Variants in PDZD2 observed in about 807,000 individuals in gnomAD.
The protein encoded by PDZD2 is PDZ domain containing 2, also known as PDZ domain-containing protein 2.
In PDZD2, 90 loss-of-function variants were observed where a neutral mutation model predicts 220.7. The ratio of observed to expected loss-of-function variants is 0.41; its 90% CI spans 0.34 to 0.49. The LOEUF is 0.49. Among genes scored for constraint, PDZD2 ranks in the 20% least tolerant of loss-of-function variants. The pLI is 0.28. For synonymous variants in PDZD2, 1,375 were observed against 1,450.5 expected, an observed-to-expected ratio of 0.95 and a Z score of 1.18; for missense variants, 3,174 against 3,608.5, an observed-to-expected ratio of 0.88 and a Z score of 3.08.
intron 2 of PDZD2, among the ~76,000 whole-genome samples, chr5:31,880,242 C>T (rs1380177162): frequency 3.9e-5 from 6 of 152,228 alleles, no homozygotes; most frequent in African/African-American, 4.8e-5. Flanking sequence ...CTTTAAAAGA[C>T]GAGAGCAATG....
chr5:31,773,034 G>C (rs1373459779), intron 1 of PDZD2, among the ~76,000 whole-genome samples: 1 of 152,200 alleles, frequency 6.6e-6, no homozygotes, highest in Non-Finnish European at 1.5e-5. Flanking sequence ...TAGTTCTTGA[G>C]AGTCACAGTC....
At chr5:32,010,006 G>A (rs909376867) in intron 5 of PDZD2, among the ~76,000 whole-genome samples, 3 of 151,444 alleles carry the variant, frequency 2.0e-5, no homozygotes, top group African/African-American at 4.9e-5. Flanking sequence ...AGAATCACTT[G>A]AACCCGGGAG....
At chr5:31,871,631 A>G (rs1461870773) in intron 2 of PDZD2, among the ~76,000 whole-genome samples, 2 of 151,574 alleles carry the variant, frequency 1.3e-5, no homozygotes, top group Admixed American at 6.6e-5. Flanking sequence ...TTGTATTTTT[A>G]GTAGACTGGG....
At chr5:31,808,446 C>T (rs529370430) in intron 2 of PDZD2, among the ~76,000 whole-genome samples, 1 of 152,302 alleles carries the variant, frequency 6.6e-6, no homozygotes, top group South Asian at 2.1e-4. Context: ...ACTGTTTGTT[C>T]GTGACCCGCT....
chr5:31,757,785 C>T (rs1020237503), intron 1 of PDZD2, among the ~76,000 whole-genome samples: 1 of 152,076 alleles, frequency 6.6e-6, no homozygotes, highest in Non-Finnish European at 1.5e-5. Flanking sequence ...ACTGGAGACA[C>T]CTTCCCTGTC....
intron 1 of PDZD2, among the ~76,000 whole-genome samples, chr5:31,691,255 C>T (rs1056387417): frequency 6.7e-6 from 1 of 149,820 alleles, no homozygotes; most frequent in Non-Finnish European, 1.5e-5. Context: ...TGGAGTTGTT[C>T]GTTCCTCCCG....
chr5:31,926,263 T>C (rs2150385613), intron 2 of PDZD2, among the ~76,000 whole-genome samples: 1 of 149,632 alleles, frequency 6.7e-6, no homozygotes, highest in Non-Finnish European at 1.5e-5. Flanking sequence ...GCATGATGGC[T>C]CACGCCTGTA....
intron 7 of PDZD2, among the ~76,000 whole-genome samples, chr5:32,042,010 TCGAGACCA>T (rs1756215616): frequency 8.5e-5 from 3 of 35,440 alleles, no homozygotes; most frequent in Admixed American, 3.1e-4. Context: ...GGTCAGGAGA[TCGAGACCA>T]TCCTGGCTAA....
chr5:31,903,545 A>G (rs1742299978), intron 2 of PDZD2, among the ~76,000 whole-genome samples: 1 of 150,466 alleles, frequency 6.6e-6, no homozygotes, highest in African/African-American at 2.4e-5. Context: ...CTACCCAGGA[A>G]GCTGAGATGG....
At position 32,058,674 on chromosome 5, in the gene PDZD2, CA is replaced by C. The variant is rs35570128; in HGVS notation, c.2201-546del. Among the ~76,000 whole-genome samples the C allele has an allele frequency of 3.7e-3, 340 of 92,240 alleles. 3 individuals carry two copies. The highest frequency in any genetic ancestry group is 0.013 in the Middle Eastern group (2 of 154). The allele number at this position is 92,240 out of a possible 152,430, so 60.5% of individuals were successfully genotyped here. On this transcript the variant is annotated intron_variant, in intron 12 of 24. Coordinates refer to ENST00000438447, the MANE Select transcript of PDZD2 (RefSeq NM_178140.4). ...GGGCAACAAGAGCAAAACTCCGTCT[CA>C]AAAAAAAAAAAAAAAAAATTCACCG... is the stretch of plus-strand genomic sequence containing the variant.
At chr5:31,953,012 C>A (rs1284079794) in intron 2 of PDZD2, among the ~76,000 whole-genome samples, 1 of 146,688 alleles carries the variant, frequency 6.8e-6, no homozygotes, top group South Asian at 2.2e-4. Context: ...GAGTCATGAT[C>A]GTGCCACTGT....
intron 1 of PDZD2, among the ~76,000 whole-genome samples, chr5:31,640,391 G>A (rs986888017): frequency 1.1e-4 from 16 of 152,232 alleles, no homozygotes; most frequent in Admixed American, 2.6e-4. Flanking sequence ...GGCAGTGTTG[G>A]GGGATGGAGC....
Position 32,037,269 on chromosome 5 carries a change from T to C in PDZD2, c.1446T>C (p.Ala482=). The change falls in exon 7 of 25, where the codon GCT becomes GCC. Residue 482 remains alanine, a synonymous_variant. Transcript: ENST00000438447. ...ATGAACCCCAAGATGTGTGCGGTGC[T>C]GAGGAATCCAAGGGGAACTTGGAAA... ...GTDEPQDVCG[A]EESKGNLESP... is the part of the protein sequence containing the mutation. 6.2e-7 allele frequency: 1 copy of C among 1,613,898 alleles called. No homozygotes were observed. The highest frequency in any genetic ancestry group is 1.1e-5 in the South Asian group (1 of 91,072).
rs1749042011 is a variant in PDZD2 at position 31,725,071 on chromosome 5, C to T, written c.-360-73818C>T. On this transcript the variant is annotated intron_variant, in intron 1 of 24. Coordinates refer to ENST00000438447, the MANE Select transcript of PDZD2 (RefSeq NM_178140.4). ...CTCAGCCAGGCACGGTGGCTCACAT[C>T]TGTAATCCCAGCATTCTGGGGGGCT... Among the ~76,000 whole-genome samples the T allele has an allele frequency of 3.3e-5, 5 of 152,098 alleles. No homozygotes were observed. In the South Asian group the frequency reaches 1.0e-3, roughly 32 times the overall value.
At chr5:31,979,237 C>T (rs559486826) in intron 2 of PDZD2, among the ~76,000 whole-genome samples, 8 of 152,164 alleles carry the variant, frequency 5.3e-5, no homozygotes, top group African/African-American at 1.9e-4. Flanking sequence ...TCAGGATGAT[C>T]GTAAATGTTT....
chr5:32,003,719 T>A (rs976206182), intron 5 of PDZD2, among the ~76,000 whole-genome samples: 13 of 152,186 alleles, frequency 8.5e-5, no homozygotes, highest in African/African-American at 3.1e-4. Flanking sequence ...GTTTTTTGTT[T>A]TTGTTTTTTG....
intron 2 of PDZD2, among the ~76,000 whole-genome samples, chr5:31,963,040 G>A (rs373160307): frequency 9.9e-5 from 15 of 150,974 alleles, no homozygotes; most frequent in African/African-American, 3.7e-4. Context: ...AGAACACTTG[G>A]TAATGAAGTG....
intron 1 of PDZD2, among the ~76,000 whole-genome samples, chr5:31,687,533 T>C (rs1383057230): frequency 9.2e-5 from 14 of 152,212 alleles, no homozygotes; most frequent in Admixed American, 9.2e-4. Flanking sequence ...TGCCCATTAC[T>C]ACCCAGTTCC....
intron 2 of PDZD2, among the ~76,000 whole-genome samples, chr5:31,982,386 C>T (rs1179768816): frequency 6.6e-6 from 1 of 152,236 alleles, no homozygotes; most frequent in African/African-American, 2.4e-5. Context: ...CGGTTCACTG[C>T]AGCCTCTGTC....
Sources: allele counts gnomAD v4.1 joint callset (sites outside exome capture counted in the v4.1 genomes callset), GRCh38; gene constraint gnomAD v4.1.1; transcripts MANE v1.5; gene names NCBI Gene and HGNC (gene_info 2026-07-23, HGNC 2026-07-21).